Variants in ATP6V0A1 observed in about 807,000 individuals in gnomAD.
ATP6V0A1 encodes the protein V-type proton ATPase 116 kDa subunit a 1.
ATP6V0A1 carries 43 observed loss-of-function variants against 105.4 expected under a neutral mutation model. The ratio of observed to expected loss-of-function variants is 0.41; its 90% confidence interval spans 0.32 to 0.53. The LOEUF is 0.53. ATP6V0A1 is among the 20% of genes least tolerant of loss of function. ATP6V0A1 has a pLI of 0.30. For missense variants in ATP6V0A1, 676 were observed against 1,051.1 expected (o/e 0.64, Z 4.93); for synonymous variants, 362 against 372.8 (o/e 0.97, Z 0.33).
intron 5 of ATP6V0A1, among the ~76,000 whole-genome samples, chr17:42,475,817 C>T (rs1326728709): frequency 2.0e-5 from 3 of 152,168 alleles, no homozygotes; most frequent in Admixed American, 6.5e-5. Flanking sequence ...CAAATATTAT[C>T]GCAAGTTTCT....
chr17:42,501,904 C>T (rs181897349), intron 17 of ATP6V0A1, among the ~76,000 whole-genome samples: 3 of 152,024 alleles, frequency 2.0e-5, no homozygotes, highest in East Asian at 3.9e-4. Context: ...CGTGTTGGCG[C>T]GTGCCTGTAG....
At chr17:42,463,669 CTT>C in intron 2 of ATP6V0A1, among the ~76,000 whole-genome samples, 2 of 151,960 alleles carry the variant, frequency 1.3e-5, no homozygotes, top group Middle Eastern at 6.8e-3. Flanking sequence ...TTTGATTTTT[CTT>C]AAGCAAATAC....
Position 42,521,138 on chromosome 17 carries a change from G to T in ATP6V0A1, c.*18G>T. On this transcript the variant is annotated 3_prime_UTR_variant, in exon 22 of 22. Coordinates refer to ENST00000343619, the MANE Select transcript of ATP6V0A1 (RefSeq NM_001130021.3). This position sits in a 1 kb window ranked among gnomAD's most constrained non-coding sequence, Gnocchi z 4.8. ...AAGAGTGAGTCCCTGTGAGGGCCGT[G>T]TGCCCCATGCTACCCTCCCCGCCTC... 2 of 1,587,336 alleles carry T rather than the reference G, an allele frequency of 1.3e-6. No individual in the cohort carries two copies. Among genetic ancestry groups the T allele is most frequent in the Middle Eastern group, 1.7e-4 (1 of 5,746 alleles).
chr17:42,506,192 AC>A (rs1567861980), intron 17 of ATP6V0A1, among the ~76,000 whole-genome samples: 1 of 152,230 alleles, frequency 6.6e-6, no homozygotes, highest in Non-Finnish European at 1.5e-5. Flanking sequence ...TAAACCCTTC[AC>A]AATGATTATA....
intron 17 of ATP6V0A1, among the ~76,000 whole-genome samples, 158 bp downstream of exon 17, chr17:42,501,462 T>G (rs1469112038): frequency 2.6e-5 from 4 of 152,154 alleles, no homozygotes; most frequent in Non-Finnish European, 4.4e-5. Context: ...TCCCCCAGGC[T>G]GGGGTGCAGT....
chr17:42,496,296 AATTT>A (rs1158963638), intron 14 of ATP6V0A1: 7 of 152,178 alleles, frequency 4.6e-5, no homozygotes, highest in African/African-American at 1.7e-4. Flanking sequence ...CCCATTTCTT[AATTT>A]ATTTCTGCTT....
In ATP6V0A1 at chr17:42,460,758, A is replaced by G. The variant is rs974032595; in HGVS notation, c.-47-90A>G. The G allele has an allele frequency of 8.7e-6, 6 of 688,736 alleles. No homozygotes were observed. The East Asian group carries it at 1.5e-4, about 17-fold the overall frequency. The allele number at this position is 688,736 out of a possible 1,614,324, so 42.7% of individuals were successfully genotyped here. A position where few individuals can be genotyped will look rare whatever the true frequency, so the allele number is the denominator to read the frequency against. ...TTGACCTGTCCTCATGGGGTGTTAG[A>G]AATGTAAATGCAAGAGCCGTAGTGG... On this transcript the variant is annotated intron_variant, in intron 1 of 21. Coordinates refer to ENST00000343619, the MANE Select transcript of ATP6V0A1 (RefSeq NM_001130021.3).
At chr17:42,478,610 C>T in intron 7 of ATP6V0A1, 21 bp downstream of exon 7, 1 of 1,546,848 alleles carries the variant, frequency 6.5e-7, no homozygotes, top group Non-Finnish European at 8.8e-7. Flanking sequence ...GAGATTGCAT[C>T]CTGTGGAGTA....
chr17:42,513,593 A>G, intron 19 of ATP6V0A1: 1 of 396,386 alleles, frequency 2.5e-6, no homozygotes, highest in Non-Finnish European at 4.6e-6. Flanking sequence ...ATTAAGATGT[A>G]GTTAATTAAA....
At chr17:42,484,436 G>A (rs1244465136) in intron 9 of ATP6V0A1, among the ~76,000 whole-genome samples, 3 of 152,140 alleles carry the variant, frequency 2.0e-5, no homozygotes, top group South Asian at 2.1e-4. Flanking sequence ...AAATACATGA[G>A]TAGTCAGTTC....
intron 14 of ATP6V0A1, among the ~76,000 whole-genome samples, chr17:42,497,308 A>C (rs1304064069): frequency 2.0e-5 from 3 of 151,458 alleles, no homozygotes; most frequent in African/African-American, 7.3e-5. Flanking sequence ...CTCAAAAAAA[A>C]AAAAAAAAAA....
chr17:42,505,098 C>G (rs770072311), intron 17 of ATP6V0A1, among the ~76,000 whole-genome samples: 2 of 151,562 alleles, frequency 1.3e-5, no homozygotes, highest in South Asian at 2.1e-4. Context: ...TGCAGTGGCA[C>G]GATCTCAGCT....
chr17:42,463,831 C>T (rs1486925484), intron 2 of ATP6V0A1, among the ~76,000 whole-genome samples: 1 of 152,128 alleles, frequency 6.6e-6, no homozygotes, highest in Non-Finnish European at 1.5e-5. Context: ...TCGATTAATA[C>T]ATATTTTGTA....
intron 19 of ATP6V0A1, among the ~76,000 whole-genome samples, chr17:42,513,271 GAA>G (rs1013916210): frequency 6.6e-6 from 1 of 151,124 alleles, no homozygotes; most frequent in African/African-American, 2.4e-5. Context: ...ATCATGTAGG[GAA>G]AAAAAAATTC....
chr17:42,480,511 C>T (rs1200474370), intron 7 of ATP6V0A1, 156 bp from the exon 8 acceptor site: 1 of 584,862 alleles, frequency 1.7e-6, no homozygotes, highest in African/African-American at 1.9e-5. Context: ...TGTAGTGAAG[C>T]TTAGGAAATG....
At chr17:42,463,110 A>G (rs978348371) in intron 2 of ATP6V0A1, among the ~76,000 whole-genome samples, 1 of 147,268 alleles carries the variant, frequency 6.8e-6, no homozygotes, top group Non-Finnish European at 1.5e-5. Context: ...GGTTCAAGCA[A>G]TCCTCCCTCA....
intron 18 of ATP6V0A1, 55 bp downstream of exon 18, chr17:42,507,682 T>C: frequency 1.4e-6 from 2 of 1,426,758 alleles, no homozygotes; most frequent in South Asian, 2.3e-5. Flanking sequence ...AGCCCTAGTC[T>C]TGTGTACCTA....
chr17:42,498,028 C>G lies in ATP6V0A1; in HGVS notation c.1561-896C>G, dbSNP rs189474051. On this transcript the variant is annotated intron_variant, in intron 14 of 21. Coordinates refer to ENST00000343619, the MANE Select transcript of ATP6V0A1 (RefSeq NM_001130021.3). Reference sequence around the variant, plus strand: ...TGGGAGGCCGAGGCAAGCCTCAGGCCAGACCTGAGGTCAGGAGTTTGAGAC... The same window carrying G: ...TGGGAGGCCGAGGCAAGCCTCAGGCGAGACCTGAGGTCAGGAGTTTGAGAC... 6.3e-4 allele frequency among the ~76,000 whole-genome samples: 96 copies of G among 152,022 alleles called. No individual in the cohort carries two copies. In the Middle Eastern group the frequency reaches 0.01, roughly 16 times the overall value.
intron 21 of ATP6V0A1, 22 bp downstream of exon 21, chr17:42,514,482 C>T (rs781613201): frequency 9.0e-6 from 14 of 1,563,072 alleles, no homozygotes; most frequent in East Asian, 2.3e-5. Context: ...TGGGGCAGGG[C>T]GGGCATGGGG....
Sources: gnomAD v4.1 joint callset for allele counts (sites outside exome capture counted in the v4.1 genomes callset) on GRCh38, gnomAD v4.1.1 for gene constraint, Gnocchi (gnomAD v3.1) non-coding constraint, MANE v1.5 for transcripts, NCBI Gene and HGNC (gene_info 2026-07-23, HGNC 2026-07-21) for gene names.